The following TBC1D22A variants were observed in gnomAD, a reference collection of about 807,000 sequenced individuals.
TBC1D22A encodes TBC1 domain family member 22A.
Under a neutral mutation model 60.2 loss-of-function variants are expected in TBC1D22A, and 38 were observed. That is an observed-to-expected ratio of 0.63 (90% CI 0.49 to 0.83). TBC1D22A has a LOEUF of 0.83. Ranked by LOEUF, TBC1D22A falls within the 40% of genes least tolerant of loss-of-function variation. The pLI is 0.00. For missense variants in TBC1D22A, 628 were observed against 701.0 expected, an observed-to-expected ratio of 0.90 and a Z score of 1.18; for synonymous variants, 302 against 281.7, an observed-to-expected ratio of 1.07 and a Z score of -0.72.
chr22:46,935,268 C>T (rs987067657), intron 8 of TBC1D22A, among the ~76,000 whole-genome samples: 1 of 152,174 alleles, frequency 6.6e-6, no homozygotes, highest in African/African-American at 2.4e-5. Flanking sequence ...GGGACGAAGC[C>T]CCTGTATTTC....
chr22:46,905,447 T>C (rs1173163100), intron 7 of TBC1D22A, among the ~76,000 whole-genome samples: 1 of 152,168 alleles, frequency 6.6e-6, no homozygotes, highest in East Asian at 1.9e-4. Flanking sequence ...ATGAGCAAGT[T>C]GGTAAAGCAG....
intron 12 of TBC1D22A, among the ~76,000 whole-genome samples, chr22:47,152,461 G>C (rs2067541509): frequency 6.6e-6 from 1 of 152,160 alleles, no homozygotes; most frequent in Non-Finnish European, 1.5e-5. Flanking sequence ...TGGCATCTCA[G>C]CTGCTCCCCG....
At chr22:47,083,314 C>A (rs1206004997) in intron 11 of TBC1D22A, among the ~76,000 whole-genome samples, 1 of 151,182 alleles carries the variant, frequency 6.6e-6, no homozygotes, top group Non-Finnish European at 1.5e-5. Flanking sequence ...CTATTAAAAT[C>A]ATGTAAAATG....
In TBC1D22A at chr22:47,072,927, A is replaced by G. The variant is rs902214004; in HGVS notation, c.1329+35729A>G. On this transcript the variant is annotated intron_variant, in intron 11 of 12. Coordinates refer to ENST00000337137, the MANE Select transcript of TBC1D22A (RefSeq NM_014346.5). ...CAGACAAGGGAGGGTGACCGGCCCC[A>G]CACTCCTATATGAAGGATGGATAGC... is the stretch of plus-strand genomic sequence containing the variant. 2.0e-5 allele frequency among the ~76,000 whole-genome samples: 3 copies of G among 152,344 alleles called. No homozygotes were observed. In the South Asian group the frequency reaches 6.2e-4, roughly 32 times the overall value.
chr22:46,834,536 C>A (rs574158712), intron 4 of TBC1D22A, among the ~76,000 whole-genome samples: 1 of 152,340 alleles, frequency 6.6e-6, no homozygotes, highest in Non-Finnish European at 1.5e-5. Context: ...CACCCAGTGA[C>A]CCCAGCCATG....
rs148514952 is a variant in TBC1D22A at position 47,068,174 on chromosome 22, G to A, written c.1329+30976G>A. On this transcript the variant is annotated intron_variant, in intron 11 of 12. Transcript: ENST00000337137. ...AGCAGCAGAGACCTTGTGGGCAGAAGTCTCCACTCTGGCCGGACCCTTGAC... is the reference window on the plus strand; with the variant it reads ...AGCAGCAGAGACCTTGTGGGCAGAAATCTCCACTCTGGCCGGACCCTTGAC... 5.7e-3 allele frequency among the ~76,000 whole-genome samples: 876 copies of A among 152,396 alleles called. 4 individuals are homozygous for A. Among genetic ancestry groups the A allele is most frequent in the Admixed American group, 9.6e-3 (147 of 15,312 alleles).
At chr22:47,018,827 G>A (rs1176648012) in intron 10 of TBC1D22A, among the ~76,000 whole-genome samples, 1 of 152,142 alleles carries the variant, frequency 6.6e-6, no homozygotes, top group Non-Finnish European at 1.5e-5. Flanking sequence ...GTGGAAACAC[G>A]GGATCCTCAG....
At chr22:46,938,608 T>C (rs369485336) in intron 8 of TBC1D22A, among the ~76,000 whole-genome samples, 6 of 147,830 alleles carry the variant, frequency 4.1e-5, no homozygotes, top group African/African-American at 1.5e-4. Context: ...TTTTTTGAGG[T>C]GGAGTCTTGC....
At chr22:47,162,256 C>T (rs1394715101) in intron 12 of TBC1D22A, among the ~76,000 whole-genome samples, 2 of 150,518 alleles carry the variant, frequency 1.3e-5, no homozygotes, top group Non-Finnish European at 2.9e-5. Flanking sequence ...TTGTATTCCT[C>T]CTGGACTGGG....
Position 46,762,779 on chromosome 22 carries a change from G to T in TBC1D22A, c.-8G>T. Reference sequence around the variant, plus strand: ...CTGGGCCGCGGGTCTGAGGGATGAGGAGGGGCCATGGCCAGCGACGGGGCC... The same window carrying T: ...CTGGGCCGCGGGTCTGAGGGATGAGTAGGGGCCATGGCCAGCGACGGGGCC... On this transcript the variant is annotated 5_prime_UTR_variant, in exon 1 of 13. Coordinates refer to ENST00000337137, the MANE Select transcript of TBC1D22A (RefSeq NM_014346.5). 1 of 1,443,868 alleles carries T rather than the reference G, an allele frequency of 6.9e-7. No homozygotes were observed. Among genetic ancestry groups the T allele is most frequent in the Non-Finnish European group, 9.0e-7 (1 of 1,105,296 alleles). The allele number at this position is 1,443,868 out of a possible 1,614,324, so 89.4% of individuals were successfully genotyped here.
intron 4 of TBC1D22A, among the ~76,000 whole-genome samples, chr22:46,828,161 C>T (rs2086151580): frequency 6.6e-6 from 1 of 152,138 alleles, no homozygotes; most frequent in African/African-American, 2.4e-5. Context: ...CGTCAGGACT[C>T]CAGTGGGATT....
At position 46,793,972 on chromosome 22, in the gene TBC1D22A, C is replaced by T; in HGVS notation, c.460+131C>T. ...CAGCAGGCCCCCTGGCCCACGAGAG[C>T]CCTTATGGTTCTCTTCCAAGGGTAG... On this transcript the variant is annotated intron_variant, in intron 3 of 12. Transcript: ENST00000337137. The T allele has an allele frequency of 3.4e-6, 3 of 881,946 alleles. No homozygotes were observed. In the South Asian group the frequency reaches 5.3e-5, roughly 16 times the overall value. 54.6% of individuals were successfully genotyped at this position (881,946 alleles called of 1,614,324 possible).
chr22:46,879,869 G>GT lies in TBC1D22A; in HGVS notation c.708+1146_708+1147insT, dbSNP rs558777830. Among the ~76,000 whole-genome samples the GT allele has an allele frequency of 1.3e-3, 41 of 31,310 alleles. 1 individual carries two copies. The East Asian group carries it at 0.037, about 28-fold the overall frequency. 20.5% of individuals were successfully genotyped at this position (31,310 alleles called of 152,430 possible). On this transcript the variant is annotated intron_variant, in intron 5 of 12. Transcript: ENST00000337137. ...TTCTCCTCTAATTCTCAGCCTCTGC[G>GT]GGTTGTGGTTCCGCTTCCCTAATGT...
At chr22:46,804,086 G>A (rs563451751) in intron 4 of TBC1D22A, among the ~76,000 whole-genome samples, 1 of 152,204 alleles carries the variant, frequency 6.6e-6, no homozygotes, top group Non-Finnish European at 1.5e-5. Context: ...GCAGCAATGC[G>A]ATGGCACCTC....
chr22:47,107,124 C>G (rs1481941536), intron 11 of TBC1D22A, among the ~76,000 whole-genome samples: 1 of 152,090 alleles, frequency 6.6e-6, no homozygotes, highest in Non-Finnish European at 1.5e-5. Flanking sequence ...GTTAAATATA[C>G]ATGTTAAAAT....
At chr22:47,091,658 G>T (rs2064983306) in intron 11 of TBC1D22A, among the ~76,000 whole-genome samples, 1 of 152,172 alleles carries the variant, frequency 6.6e-6, no homozygotes, top group Non-Finnish European at 1.5e-5. Context: ...CACCTGGCAG[G>T]CTGCTTCAGC....
intron 12 of TBC1D22A, among the ~76,000 whole-genome samples, chr22:47,144,499 G>A (rs1013428949): frequency 1.8e-4 from 28 of 152,350 alleles, no homozygotes; most frequent in East Asian, 3.9e-4. Context: ...CTGCACCAGC[G>A]TCCCTCCTTG....
intron 4 of TBC1D22A, among the ~76,000 whole-genome samples, chr22:46,862,642 A>C (rs2147362942): frequency 6.6e-6 from 1 of 152,278 alleles, no homozygotes; most frequent in East Asian, 1.9e-4. Flanking sequence ...GGAGGGCTGC[A>C]AGCTGAGGGT....
At chr22:47,073,603 T>C (rs1403210024) in intron 11 of TBC1D22A, among the ~76,000 whole-genome samples, 3 of 152,188 alleles carry the variant, frequency 2.0e-5, no homozygotes, top group Non-Finnish European at 4.4e-5. Flanking sequence ...GGGCTCTGAT[T>C]GCTGGGTCTA....
Sources: allele counts gnomAD v4.1 joint callset (sites outside exome capture counted in the v4.1 genomes callset), GRCh38; gene constraint gnomAD v4.1.1; transcripts MANE v1.5; gene names NCBI Gene and HGNC (gene_info 2026-07-23, HGNC 2026-07-21).